GALNT18: variants seen among roughly 807,000 people sequenced by gnomAD.
The protein encoded by GALNT18 is GalNAc-transferase 18.
Under a neutral mutation model 69.5 loss-of-function variants are expected in GALNT18, and 44 were observed. That is an observed-to-expected ratio of 0.63 (90% CI 0.50 to 0.81). The LOEUF (loss-of-function observed/expected upper bound fraction) is 0.81, where lower values mean the gene tolerates loss of function less well. GALNT18 is among the 40% of genes least tolerant of loss of function. The pLI is 0.00. For synonymous variants in GALNT18, 364 were observed against 318.2 expected (o/e 1.14, Z -1.53); for missense variants, 715 against 810.0 (o/e 0.88, Z 1.42).
Position 11,602,756 on chromosome 11 carries a change from G to C in GALNT18, c.235+18603C>G, listed in dbSNP as rs1296516742. On this transcript the variant is annotated intron_variant, in intron 1 of 10. Coordinates refer to ENST00000227756, the MANE Select transcript of GALNT18 (RefSeq NM_198516.3). The surrounding 1 kb of genome is among the most constrained non-coding windows in gnomAD (Gnocchi z 4.7). ...GTTCTTCCCTAACCCCCTGTGATTT[G>C]CACTGCAAAAAAAGAGAGAATCATT... 1.3e-5 allele frequency among the ~76,000 whole-genome samples: 2 copies of C among 152,008 alleles called. No individual in the cohort carries two copies. Among genetic ancestry groups the C allele is most frequent in the African/African-American group, 4.8e-5 (2 of 41,398 alleles).
intron 9 of GALNT18, among the ~76,000 whole-genome samples, chr11:11,317,251 G>C (rs1021741847): frequency 6.6e-6 from 1 of 152,242 alleles, no homozygotes; most frequent in Non-Finnish European, 1.5e-5. Context: ...AACGACAACA[G>C]AGTGAACTTT....
chr11:11,501,364 A>G (rs1322980604), intron 1 of GALNT18, among the ~76,000 whole-genome samples: 2 of 152,212 alleles, frequency 1.3e-5, no homozygotes, highest in African/African-American at 4.8e-5. Flanking sequence ...AATCTCACAG[A>G]ATCTTGGATC....
At chr11:11,390,104 T>C (rs948676210) in intron 3 of GALNT18, among the ~76,000 whole-genome samples, 1 of 152,170 alleles carries the variant, frequency 6.6e-6, no homozygotes, top group Non-Finnish European at 1.5e-5. Context: ...TCTAAGCTCC[T>C]GTAAATGCCA....
rs112426240 is a variant in GALNT18, at chr11:11,601,943, G to A, written c.235+19416C>T. Among the ~76,000 whole-genome samples, 38 of 152,210 alleles carry A rather than the reference G, an allele frequency of 2.5e-4. No individual in the cohort carries two copies. The highest frequency in any genetic ancestry group is 3.2e-4 in the Non-Finnish European group (22 of 68,014). ...ATAGGAGAACTTACTGTGCTAGGTC[G>A]TCTAGCTGGCCTACTCTGTTTGTTT... On this transcript the variant is annotated intron_variant, in intron 1 of 10. Transcript: ENST00000227756. The surrounding 1 kb of genome is among the most constrained non-coding windows in gnomAD (Gnocchi z 4.0).
intron 1 of GALNT18, among the ~76,000 whole-genome samples, chr11:11,585,416 C>T (rs1026567976): frequency 6.7e-6 from 1 of 148,382 alleles, no homozygotes; most frequent in African/African-American, 2.5e-5. Flanking sequence ...AGTACAATGG[C>T]GTGATCTTGG....
intron 3 of GALNT18, among the ~76,000 whole-genome samples, chr11:11,423,134 C>T (rs560485545): frequency 2.0e-5 from 3 of 152,198 alleles, no homozygotes; most frequent in African/African-American, 7.2e-5. Flanking sequence ...AATACACACA[C>T]AAACACAGTG....
At chr11:11,460,624 G>C (rs1372799646) in intron 1 of GALNT18, among the ~76,000 whole-genome samples, 1 of 152,200 alleles carries the variant, frequency 6.6e-6, no homozygotes, top group Non-Finnish European at 1.5e-5. Flanking sequence ...AGAAAGGAGA[G>C]CCCTAGCTGG....
chr11:11,379,384 C>T (rs1490933702), intron 3 of GALNT18, 120 bp from the exon 4 acceptor site: 8 of 948,362 alleles, frequency 8.4e-6, no homozygotes, highest in Non-Finnish European at 1.3e-5. Context: ...CCATTCCCCT[C>T]CCTGGGTCTT....
In GALNT18 at chr11:11,583,986, T is replaced by A. The variant is rs946213681; in HGVS notation, c.235+37373A>T. ...CACACTCAATGAAATAGAGATGAACTGAATTCTTGTGAGGACATAGGAATT... is the reference window on the plus strand; with the variant it reads ...CACACTCAATGAAATAGAGATGAACAGAATTCTTGTGAGGACATAGGAATT... On this transcript the variant is annotated intron_variant, in intron 1 of 10. Transcript: ENST00000227756. The surrounding 1 kb of genome is among the most constrained non-coding windows in gnomAD (Gnocchi z 4.7). Among the ~76,000 whole-genome samples, 3 of 152,126 alleles carry A rather than the reference T, an allele frequency of 2.0e-5. No individual in the cohort carries two copies. Among genetic ancestry groups the A allele is most frequent in the Non-Finnish European group, 4.4e-5 (3 of 68,016 alleles).
In GALNT18 at chr11:11,555,160, G is replaced by A. The variant is rs61872871; in HGVS notation, c.235+66199C>T. The stretch of plus-strand genomic sequence containing the variant: ...TTGAACTAAGGACTCTGAATGATGA[G>A]TCCTGCTCAGGATCCCTGATGGGCT... On this transcript the variant is annotated intron_variant, in intron 1 of 10. Coordinates refer to ENST00000227756, the MANE Select transcript of GALNT18 (RefSeq NM_198516.3). This position sits in a 1 kb window ranked among gnomAD's most constrained non-coding sequence, Gnocchi z 4.7. Among the ~76,000 whole-genome samples the A allele has an allele frequency of 0.2, 30,766 of 152,158 alleles. 3,720 individuals are homozygous for A. Among genetic ancestry groups the A allele is most frequent in the Non-Finnish European group, 0.26 (17,563 of 67,996 alleles).
In GALNT18 at chr11:11,618,972, C is replaced by T. The variant is rs1860122847; in HGVS notation, c.235+2387G>A. ...AGCACAAGAGCTTGATCTTATTGTC[C>T]TTTACCACCCTCTGCCTTCAGAGAG... On this transcript the variant is annotated intron_variant, in intron 1 of 10. Coordinates refer to ENST00000227756, the MANE Select transcript of GALNT18 (RefSeq NM_198516.3). The surrounding 1 kb of genome is among the most constrained non-coding windows in gnomAD (Gnocchi z 6.1). Among the ~76,000 whole-genome samples the T allele has an allele frequency of 6.6e-6, 1 of 152,172 alleles. No homozygotes were observed. The highest frequency in any genetic ancestry group is 1.5e-5 in the Non-Finnish European group (1 of 68,040).
chr11:11,515,464 T>C (rs1857253969), intron 1 of GALNT18, among the ~76,000 whole-genome samples: 1 of 152,224 alleles, frequency 6.6e-6, no homozygotes, highest in Admixed American at 6.5e-5. Flanking sequence ...CTGCTCTCTC[T>C]GTATGCTGCC....
At chr11:11,427,020 T>G (rs1243701210) in intron 3 of GALNT18, among the ~76,000 whole-genome samples, 1 of 152,186 alleles carries the variant, frequency 6.6e-6, no homozygotes, top group Non-Finnish European at 1.5e-5. Context: ...GCTCAAGTGA[T>G]CCTCCTGCCT....
At chr11:11,531,720 C>T (rs1857652950) in intron 1 of GALNT18, among the ~76,000 whole-genome samples, 1 of 152,332 alleles carries the variant, frequency 6.6e-6, no homozygotes. Context: ...CTATTTCTCC[C>T]CTTGTCCAGC....
At chr11:11,328,055 T>A (rs1849955842) in intron 8 of GALNT18, among the ~76,000 whole-genome samples, 1 of 152,106 alleles carries the variant, frequency 6.6e-6, no homozygotes, top group Non-Finnish European at 1.5e-5. Flanking sequence ...ACTAGAATTG[T>A]AAGGCTGTTT....
intron 9 of GALNT18, among the ~76,000 whole-genome samples, chr11:11,322,486 G>C (rs1486631156): frequency 6.6e-6 from 1 of 152,206 alleles, no homozygotes; most frequent in African/African-American, 2.4e-5. Context: ...TTGTGACCTG[G>C]CTACCTTGGC....
At chr11:11,574,042 A>C (rs1345340699) in intron 1 of GALNT18, among the ~76,000 whole-genome samples, 1 of 152,096 alleles carries the variant, frequency 6.6e-6, no homozygotes, top group Non-Finnish European at 1.5e-5. Context: ...TCCACATGAC[A>C]CTGTAGCATC....
At chr11:11,534,511 G>T (rs997408154) in intron 1 of GALNT18, among the ~76,000 whole-genome samples, 1 of 152,194 alleles carries the variant, frequency 6.6e-6, no homozygotes, top group African/African-American at 2.4e-5. Flanking sequence ...ACACAGTCTT[G>T]TCCTCAAGAT....
chr11:11,428,373 C>T (rs185530232), intron 3 of GALNT18, among the ~76,000 whole-genome samples: 1 of 152,358 alleles, frequency 6.6e-6, no homozygotes, highest in Non-Finnish European at 1.5e-5. Flanking sequence ...ACCTCCCTGT[C>T]CCATTCCACA....
Sources: allele counts gnomAD v4.1 joint callset (sites outside exome capture counted in the v4.1 genomes callset), GRCh38; gene constraint gnomAD v4.1.1; non-coding constraint Gnocchi (gnomAD v3.1); transcripts MANE v1.5; gene names NCBI Gene and HGNC (gene_info 2026-07-23, HGNC 2026-07-21).